The following COL18A1 variants were observed in gnomAD, a reference collection of about 807,000 sequenced individuals.
The protein encoded by COL18A1 is collagen alpha-1(XVIII) chain.
In COL18A1, 133 loss-of-function variants were observed where a neutral mutation model predicts 168.0. The ratio of observed to expected loss-of-function variants is 0.79; its 90% CI spans 0.69 to 0.91. The LOEUF (loss-of-function observed/expected upper bound fraction) is 0.91. Among genes scored for constraint, COL18A1 ranks in the 40% least tolerant of loss-of-function variants. The pLI, the probability that COL18A1 is intolerant of heterozygous loss-of-function variation, is 0.00. For missense variants in COL18A1, 2,126 were observed against 1,925.4 expected, an observed-to-expected ratio of 1.10 and a Z score of -1.95; for synonymous variants, 949 against 809.0, an observed-to-expected ratio of 1.17 and a Z score of -2.94.
Position 45,476,558 on chromosome 21 carries a change from G to A in COL18A1, c.928+78G>A, listed in dbSNP as rs186884759. On this transcript the variant is annotated intron_variant, in intron 6 of 41. Coordinates refer to ENST00000651438, the MANE Select transcript of COL18A1 (RefSeq NM_001379500.1). ...GTAACGTGTGTTTGTGTGATGGTGA[G>A]GTATGTGTGTGATGTATGGTGTGTG... 4.6e-6 allele frequency: 7 copies of A among 1,511,774 alleles called. No individual in the cohort carries two copies. In the Admixed American group the frequency reaches 9.8e-5, roughly 21 times the overall value. The allele number at this position is 1,511,774 out of a possible 1,614,324, so 93.6% of individuals were successfully genotyped here.
At chr21:45,511,079 CCA>C (rs752924412) in intron 40 of COL18A1, 30 bp from the exon 41 acceptor site, 3 of 1,034,224 alleles carry the variant, frequency 2.9e-6, no homozygotes, top group South Asian at 1.4e-5. Context: ...CCCCCACACA[CCA>C]CACACACATA....
chr21:45,478,436 T>C (rs1393608029), intron 9 of COL18A1, 83 bp downstream of exon 9: 9 of 1,587,236 alleles, frequency 5.7e-6, no homozygotes, highest in South Asian at 5.5e-5. Flanking sequence ...TGACACTCTT[T>C]TTAAACGCGA....
intron 7 of COL18A1, 70 bp downstream of exon 7, chr21:45,477,557 T>C: frequency 4.8e-6 from 7 of 1,449,422 alleles, no homozygotes; most frequent in Non-Finnish European, 6.6e-6. Context: ...GGCCACTCAC[T>C]GGTGAGCCCT....
intron 17 of COL18A1, 86 bp from the exon 18 acceptor site, chr21:45,488,332 G>C: frequency 2.5e-6 from 4 of 1,570,994 alleles, no homozygotes; most frequent in African/African-American, 1.3e-5. Context: ...AGTCTTGACT[G>C]TTACTAGCGG....
chr21:45,487,902 C>T (rs1308419958), intron 17 of COL18A1, among the ~76,000 whole-genome samples: 3 of 152,244 alleles, frequency 2.0e-5, no homozygotes, highest in Admixed American at 6.5e-5. Context: ...TCTCCACTTT[C>T]TTCTACTGTT....
At chr21:45,468,103 C>T (rs1171129608) in intron 2 of COL18A1, 139 bp from the exon 3 acceptor site, 77 of 879,870 alleles carry the variant, frequency 8.8e-5, no homozygotes, top group Non-Finnish European at 1.3e-4. Flanking sequence ...GGGATCAGGG[C>T]AGGCTGCCAG....
rs1252250172 is a variant in COL18A1, at chr21:45,448,530, C to T, written c.107-19712C>T. ...ATATCCACACATCCGTGTACACGCG[C>T]ACACGTGTGCTTCTGCATACCCACA... On this transcript the variant is annotated intron_variant, in intron 2 of 41. Coordinates refer to ENST00000651438, the MANE Select transcript of COL18A1 (RefSeq NM_001379500.1). Among the ~76,000 whole-genome samples, 6 of 152,252 alleles carry T rather than the reference C, an allele frequency of 3.9e-5. No individual in the cohort carries two copies. The East Asian group carries it at 1.2e-3, about 29-fold the overall frequency.
intron 2 of COL18A1, among the ~76,000 whole-genome samples, chr21:45,434,232 G>T (rs1343770040): frequency 2.0e-5 from 3 of 152,322 alleles, no homozygotes; most frequent in Non-Finnish European, 4.4e-5. Flanking sequence ...TGCAGGAGGG[G>T]GTTGTGGCAG....
intron 2 of COL18A1, chr21:45,456,308 C>T (rs376644375): frequency 1.2e-5 from 18 of 1,553,354 alleles, no homozygotes; most frequent in East Asian, 7.3e-5. Context: ...CGTCCGCCTG[C>T]GCACGCCACT....
chr21:45,412,064 T>G (rs1437711337), intron 2 of COL18A1, among the ~76,000 whole-genome samples: 2 of 152,188 alleles, frequency 1.3e-5, no homozygotes, highest in Non-Finnish European at 2.9e-5. Flanking sequence ...CGTGCTTCTC[T>G]GGGAATGCCG....
chr21:45,486,530 C>G (rs1322287821), intron 15 of COL18A1, among the ~76,000 whole-genome samples: 1 of 133,082 alleles, frequency 7.5e-6, no homozygotes, highest in Non-Finnish European at 1.7e-5. Context: ...CTCTCTTCTC[C>G]CCTTGCCTGC....
intron 2 of COL18A1, among the ~76,000 whole-genome samples, chr21:45,411,245 C>G (rs2033279912): frequency 6.6e-6 from 1 of 152,152 alleles, no homozygotes; most frequent in Non-Finnish European, 1.5e-5. Context: ...TGCCAGGTGA[C>G]CCCATGGAGC....
intron 2 of COL18A1, chr21:45,422,327 T>C (rs2033651242): frequency 2.5e-6 from 1 of 392,556 alleles, no homozygotes; most frequent in Non-Finnish European, 5.2e-6. Context: ...GCTCTGTCTG[T>C]AGAGGGGCAG....
Position 45,480,665 on chromosome 21 carries a change from A to G in COL18A1, c.1453-35A>G, listed in dbSNP as rs758212698. On this transcript the variant is annotated intron_variant, in intron 12 of 41. Coordinates refer to ENST00000651438, the MANE Select transcript of COL18A1 (RefSeq NM_001379500.1). Reference sequence around the variant, plus strand: ...GGTGGTCATCCCTGGTGGGTGCCACATGGGCTGTGACTATCTGTGTTCGCC... The same window carrying G: ...GGTGGTCATCCCTGGTGGGTGCCACGTGGGCTGTGACTATCTGTGTTCGCC... 13 of 1,611,016 alleles carry G rather than the reference A, an allele frequency of 8.1e-6. No individual in the cohort carries two copies. The East Asian group carries it at 2.0e-4, about 25-fold the overall frequency.
intron 2 of COL18A1, among the ~76,000 whole-genome samples, chr21:45,458,654 C>T (rs1044558118): frequency 1.3e-5 from 2 of 152,194 alleles, no homozygotes; most frequent in East Asian, 1.9e-4. Context: ...CTGGAGGGAC[C>T]CGGGTCCGGT....
At position 45,473,045 on chromosome 21, in the gene COL18A1, C is replaced by T. The variant is rs778346786; in HGVS notation, c.652-850C>T. 1.2e-4 allele frequency among the ~76,000 whole-genome samples: 18 copies of T among 152,244 alleles called. No homozygotes were observed. Among genetic ancestry groups the T allele is most frequent in the Admixed American group, 2.6e-4 (4 of 15,288 alleles). ...AATCTAGGCCAGGATGCAGAACCCGCAGTGCGGCCAGTGGAGCCCCTGGTA... is the reference window on the plus strand; with the variant it reads ...AATCTAGGCCAGGATGCAGAACCCGTAGTGCGGCCAGTGGAGCCCCTGGTA... On this transcript the variant is annotated intron_variant, in intron 3 of 41. Transcript: ENST00000651438. This position sits in a 1 kb window ranked among gnomAD's most constrained non-coding sequence, Gnocchi z 4.0.
intron 32 of COL18A1, among the ~76,000 whole-genome samples, chr21:45,503,613 A>C (rs1254348154): frequency 7.8e-6 from 1 of 128,854 alleles, no homozygotes; most frequent in Non-Finnish European, 1.6e-5. Context: ...AGGAAGGGGA[A>C]CATCACACTC....
At chr21:45,495,859 G>A (rs2036520318) in intron 29 of COL18A1, 7 of 317,976 alleles carry the variant, frequency 2.2e-5, no homozygotes, top group South Asian at 1.9e-4. Flanking sequence ...ACTCATACAT[G>A]TGCACGTATC....
At position 45,512,702 on chromosome 21, in the gene COL18A1, AC is replaced by A. The variant is rs2037683013; in HGVS notation, c.*305del. 1 of 462,254 alleles carries A rather than the reference AC, an allele frequency of 2.2e-6. No individual in the cohort carries two copies. Among genetic ancestry groups the A allele is most frequent in the Non-Finnish European group, 4.0e-6 (1 of 251,960 alleles). The allele number at this position is 462,254 out of a possible 1,614,324, so 28.6% of individuals were successfully genotyped here. On this transcript the variant is annotated 3_prime_UTR_variant, in exon 42 of 42. Coordinates refer to ENST00000651438, the MANE Select transcript of COL18A1 (RefSeq NM_001379500.1). Reference sequence around the variant, plus strand: ...TGCAACCTCTTGGCCTGATCAGACCACGGCTCGATTTCTCCAGGATTTCCTG... The same window carrying A: ...TGCAACCTCTTGGCCTGATCAGACCAGGCTCGATTTCTCCAGGATTTCCTG...
Sources: allele counts gnomAD v4.1 joint callset (sites outside exome capture counted in the v4.1 genomes callset), GRCh38; gene constraint gnomAD v4.1.1; non-coding constraint Gnocchi (gnomAD v3.1); transcripts MANE v1.5; gene names NCBI Gene and HGNC (gene_info 2026-07-23, HGNC 2026-07-21).